Variants in SLC71A2 observed in about 807,000 individuals in gnomAD.
SLC71A2 encodes the protein solute carrier family 71 member 2, also known as hippocampus abundant transcript-like 1.
chr9:94,399,323 ATT>A, the SLC71A2 span, among the ~76,000 whole-genome samples: 1 of 152,102 alleles, frequency 6.6e-6, no homozygotes, highest in African/African-American at 2.4e-5. Context: ...TGAGAATGGC[ATT>A]TGAAACCAAG....
chr9:94,429,503 C>T, the SLC71A2 span, among the ~76,000 whole-genome samples: 1 of 151,840 alleles, frequency 6.6e-6, no homozygotes, highest in African/African-American at 2.4e-5. Flanking sequence ...ATTGTGTACA[C>T]AAAAGGGCTT....
the SLC71A2 span, among the ~76,000 whole-genome samples, chr9:94,377,384 G>GT: frequency 0.046 from 6,644 of 143,888 alleles, 207 homozygotes; most frequent in Non-Finnish European, 0.069. Context: ...TGTTTTCTGT[G>GT]TTTTTTTTTT....
At chr9:94,388,481 T>A in the SLC71A2 span, among the ~76,000 whole-genome samples, 1 of 152,204 alleles carries the variant, frequency 6.6e-6, no homozygotes, top group African/African-American at 2.4e-5. Context: ...TAATTGTATA[T>A]ATTCATGAAA....
the SLC71A2 span, chr9:94,445,107 A>G: frequency 6.2e-7 from 1 of 1,614,230 alleles, no homozygotes. Flanking sequence ...TGGCTGTTCC[A>G]GAATCTCTGC....
the SLC71A2 span, among the ~76,000 whole-genome samples, chr9:94,387,706 T>C: frequency 2.0e-5 from 3 of 152,226 alleles, no homozygotes; most frequent in Admixed American, 6.5e-5. Context: ...TAGGCAATTT[T>C]GTTTTTCGTA....
At chr9:94,400,496 T>G in the SLC71A2 span, among the ~76,000 whole-genome samples, 22,287 of 137,724 alleles carry the variant, frequency 0.16, 1,739 homozygotes, top group South Asian at 0.28. Context: ...TTTTTTTGCC[T>G]CCAGTCTTAA....
the SLC71A2 span, among the ~76,000 whole-genome samples, chr9:94,436,643 A>T: frequency 1.4e-4 from 22 of 152,194 alleles, no homozygotes; most frequent in South Asian, 3.7e-3. Flanking sequence ...GTGCAAGATG[A>T]TGAACTGCAG....
At chr9:94,457,205 G>T in the SLC71A2 span, among the ~76,000 whole-genome samples, 2 of 152,164 alleles carry the variant, frequency 1.3e-5, no homozygotes, top group Non-Finnish European at 2.9e-5. Flanking sequence ...GGTTCAGTCT[G>T]CCTGCCTCGG....
chr9:94,458,390 T>G, the SLC71A2 span: 1 of 1,613,974 alleles, frequency 6.2e-7, no homozygotes, highest in African/African-American at 1.3e-5. Context: ...ACTGTATGGC[T>G]TCATATTCTA....
the SLC71A2 span, among the ~76,000 whole-genome samples, chr9:94,384,948 C>T: frequency 6.6e-6 from 1 of 151,648 alleles, no homozygotes; most frequent in Non-Finnish European, 1.5e-5. Flanking sequence ...GAGTTTGGCT[C>T]CCCTTTGTCT....
the SLC71A2 span, among the ~76,000 whole-genome samples, chr9:94,403,703 G>C: frequency 3.9e-5 from 6 of 152,094 alleles, no homozygotes; most frequent in Non-Finnish European, 7.4e-5. Context: ...GAATTGCTGG[G>C]TCATGGAGTA....
chr9:94,408,818 G>GT, the SLC71A2 span, among the ~76,000 whole-genome samples: 653 of 86,514 alleles, frequency 7.5e-3, 23 homozygotes, highest in South Asian at 0.025. Flanking sequence ...TCCTTTTTCT[G>GT]TTTTTTTTGT....
At chr9:94,456,447 T>TA in the SLC71A2 span, 1 of 761,212 alleles carries the variant, frequency 1.3e-6, no homozygotes, top group South Asian at 1.5e-5. Flanking sequence ...GACAGCCATA[T>TA]GGCCCCTTTT....
the SLC71A2 span, among the ~76,000 whole-genome samples, chr9:94,452,188 G>T: frequency 3.3e-5 from 5 of 152,342 alleles, no homozygotes; most frequent in Admixed American, 3.3e-4. Context: ...AAATGGTTCA[G>T]TGTTATTTTA....
At chr9:94,403,482 C>T in the SLC71A2 span, among the ~76,000 whole-genome samples, 2 of 151,458 alleles carry the variant, frequency 1.3e-5, no homozygotes, top group Non-Finnish European at 2.9e-5. Flanking sequence ...AATGTTCATC[C>T]ATGTTGTGAC....
At chr9:94,389,080 A>G in the SLC71A2 span, among the ~76,000 whole-genome samples, 4 of 151,916 alleles carry the variant, frequency 2.6e-5, no homozygotes, top group East Asian at 5.8e-4. Flanking sequence ...TTTTCTCAGT[A>G]TATGTATGAG....
the SLC71A2 span, among the ~76,000 whole-genome samples, chr9:94,383,210 T>C: frequency 6.9e-6 from 1 of 144,004 alleles, no homozygotes. Flanking sequence ...TCGCCCATGC[T>C]AGAGTGCAGT....
chr9:94,402,392 TAC>T, the SLC71A2 span, among the ~76,000 whole-genome samples: 4 of 147,372 alleles, frequency 2.7e-5, no homozygotes, highest in African/African-American at 1.0e-4. Context: ...TTTAAAAGTA[TAC>T]AGTTTGGTTT....
the SLC71A2 span, among the ~76,000 whole-genome samples, chr9:94,401,088 CTTT>C: frequency 6.9e-6 from 1 of 144,764 alleles, no homozygotes; most frequent in African/African-American, 2.5e-5. Flanking sequence ...TTTTCTTTTC[CTTT>C]TTTTTTTTTG....
Sources: gnomAD v4.1 joint callset for allele counts (sites outside exome capture counted in the v4.1 genomes callset) on GRCh38, gnomAD v4.1.1 for gene constraint, MANE v1.5 for transcripts, NCBI Gene and HGNC (gene_info 2026-07-23, HGNC 2026-07-21) for gene names.